The following RIMS1 variants were observed in gnomAD, a reference collection of about 807,000 sequenced individuals.
RIMS1 encodes the protein regulating synaptic membrane exocytosis 1.
A neutral mutation model predicts 214.1 loss-of-function variants in RIMS1; 83 were observed. The ratio of observed to expected loss-of-function variants is 0.39; its 90% CI spans 0.32 to 0.47. The LOEUF is 0.47. Among genes scored for constraint, RIMS1 ranks in the 20% least tolerant of loss-of-function variants. RIMS1 has a pLI of 0.99. For synonymous variants in RIMS1, 793 were observed against 786.8 expected, an observed-to-expected ratio of 1.01 and a Z score of -0.13; for missense variants, 2,050 against 2,161.8, an observed-to-expected ratio of 0.95 and a Z score of 1.03.
chr6:71,943,788 C>T (rs941380324), intron 1 of RIMS1, among the ~76,000 whole-genome samples: 8 of 152,076 alleles, frequency 5.3e-5, no homozygotes, highest in African/African-American at 1.7e-4. Context: ...TTTCCGATGG[C>T]GTATTCGAAC....
At chr6:72,229,889 C>G (rs1250459980) in intron 6 of RIMS1, among the ~76,000 whole-genome samples, 2 of 151,632 alleles carry the variant, frequency 1.3e-5, no homozygotes, top group Non-Finnish European at 3.0e-5. Context: ...GGTATGTGTC[C>G]ACGTGTCAAT....
chr6:72,329,536 T>A (rs1227308751), intron 28 of RIMS1, among the ~76,000 whole-genome samples: 1 of 144,834 alleles, frequency 6.9e-6, no homozygotes, highest in African/African-American at 2.5e-5. Flanking sequence ...CCTTTATTAG[T>A]TTTTTTTTTT....
intron 4 of RIMS1, among the ~76,000 whole-genome samples, chr6:72,103,649 G>A (rs559842867): frequency 5.3e-5 from 8 of 152,152 alleles, no homozygotes; most frequent in South Asian, 2.1e-4. Flanking sequence ...GTGAACATAC[G>A]TTGTCAAATC....
intron 2 of RIMS1, among the ~76,000 whole-genome samples, chr6:71,981,095 G>A (rs1798365095): frequency 6.6e-6 from 1 of 152,032 alleles, no homozygotes; most frequent in African/African-American, 2.4e-5. Context: ...TTTCAAAACT[G>A]CTCACCAGTC....
intron 2 of RIMS1, among the ~76,000 whole-genome samples, chr6:71,971,021 AT>A (rs35470404): frequency 0.39 from 59,348 of 151,832 alleles, 12,033 homozygotes; most frequent in East Asian, 0.53. Flanking sequence ...CTCTTTTAAT[AT>A]TTTTTTTAAA....
At chr6:71,921,161 C>T (rs1779858383) in intron 1 of RIMS1, among the ~76,000 whole-genome samples, 1 of 152,126 alleles carries the variant, frequency 6.6e-6, no homozygotes, top group Non-Finnish European at 1.5e-5. Flanking sequence ...CAGAGTCTTG[C>T]TCTGTCACCC....
At chr6:72,363,293 A>G (rs62407524) in intron 29 of RIMS1, among the ~76,000 whole-genome samples, 29,015 of 152,186 alleles carry the variant, frequency 0.19, 3,475 homozygotes, top group South Asian at 0.27. Flanking sequence ...GGAGAAAGGG[A>G]AAAAGTGGCG....
intron 28 of RIMS1, among the ~76,000 whole-genome samples, chr6:72,321,965 A>G (rs2154316227): frequency 6.6e-6 from 1 of 152,278 alleles, no homozygotes; most frequent in South Asian, 2.1e-4. Context: ...ATTTTATAAG[A>G]AGACTAAAAA....
chr6:72,203,816 C>A (rs1468164490), intron 6 of RIMS1, among the ~76,000 whole-genome samples: 1 of 152,018 alleles, frequency 6.6e-6, no homozygotes, highest in African/African-American at 2.4e-5. Context: ...GGTCCCAAGC[C>A]CAGAGATTTT....
At chr6:72,254,582 G>T (rs1158365658) in intron 16 of RIMS1, among the ~76,000 whole-genome samples, 2 of 152,286 alleles carry the variant, frequency 1.3e-5, no homozygotes, top group East Asian at 3.9e-4. Context: ...GCTTCGGTGA[G>T]TGGTTCCCAA....
chr6:72,223,840 C>T (rs551327384), intron 6 of RIMS1, among the ~76,000 whole-genome samples: 35 of 147,682 alleles, frequency 2.4e-4, no homozygotes, highest in African/African-American at 7.8e-4. Flanking sequence ...CCCAGTTACT[C>T]GGGAGGCTGA....
At position 72,313,522 on chromosome 6, in the gene RIMS1, A is replaced by G. The variant is rs1473853499; in HGVS notation, c.3980A>G (p.Asp1327Gly). 1.2e-6 allele frequency: 2 copies of G among 1,613,482 alleles called. No homozygotes were observed. The highest frequency in any genetic ancestry group is 8.5e-7 in the Non-Finnish European group (1 of 1,179,640). ...EQYSKYNIHK[D>G]QYRSCDNVSA... Reference sequence around the variant, plus strand: ...AATCTTTAGTATAACATACATAAAGATCAGTACAGAAGCTGTGATAACGTC... The same window carrying G: ...AATCTTTAGTATAACATACATAAAGGTCAGTACAGAAGCTGTGATAACGTC... The change falls in exon 28 of 34, where the codon GAT (aspartate) becomes GGT (glycine). Residue 1327 changes from aspartate to glycine, a missense_variant. Around this residue, in one of 6 missense-constraint regions of RIMS1, gnomAD observed 889 missense variants for 885.5 expected, o/e 1.00. Transcript: ENST00000521978.
In RIMS1 at chr6:72,157,611, C is replaced by T. The variant is rs892684002; in HGVS notation, c.472-21964C>T. Among the ~76,000 whole-genome samples the T allele has an allele frequency of 2.1e-5, 3 of 139,786 alleles. 1 individual carries two copies. The highest frequency in any genetic ancestry group is 4.9e-5 in the Non-Finnish European group (3 of 61,518). The allele number at this position is 139,786 out of a possible 152,430, so 91.7% of individuals were successfully genotyped here. A position where few individuals can be genotyped will look rare whatever the true frequency, so the allele number is the denominator to read the frequency against. On this transcript the variant is annotated intron_variant, in intron 4 of 33. Coordinates refer to ENST00000521978, the MANE Select transcript of RIMS1 (RefSeq NM_014989.7). ...TTATTATAACCATACTGGTTTTCTT[C>T]TGTTTAGTGTTTGTATAATATTTCT... is the stretch of plus-strand genomic sequence containing the variant.
chr6:71,894,699 T>C (rs1220786486), intron 1 of RIMS1, among the ~76,000 whole-genome samples: 1 of 152,216 alleles, frequency 6.6e-6, no homozygotes, highest in Non-Finnish European at 1.5e-5. Context: ...TTGATATTCC[T>C]CTGAGTTTAG....
chr6:72,062,689 T>A (rs907427112), intron 2 of RIMS1, among the ~76,000 whole-genome samples: 5 of 152,142 alleles, frequency 3.3e-5, no homozygotes, highest in Non-Finnish European at 7.3e-5. Context: ...AGAAATGTAT[T>A]GCCGCACAGT....
chr6:72,165,201 T>A (rs1327173121), intron 4 of RIMS1, among the ~76,000 whole-genome samples: 3 of 152,254 alleles, frequency 2.0e-5, no homozygotes, highest in African/African-American at 7.2e-5. Flanking sequence ...TAATTTGAGT[T>A]CACTAATCTT....
intron 6 of RIMS1, among the ~76,000 whole-genome samples, chr6:72,186,490 C>T (rs1374025232): frequency 1.3e-5 from 2 of 152,120 alleles, no homozygotes; most frequent in African/African-American, 4.8e-5. Context: ...GAAAAGGTTT[C>T]AATGTAATAT....
chr6:72,096,204 G>T (rs1400327240), intron 2 of RIMS1, among the ~76,000 whole-genome samples: 1 of 152,058 alleles, frequency 6.6e-6, no homozygotes, highest in East Asian at 1.9e-4. Context: ...ATATTACCTG[G>T]TTAAAATAAT....
intron 22 of RIMS1, among the ~76,000 whole-genome samples, chr6:72,269,944 C>T (rs1046116674): frequency 2.6e-5 from 4 of 152,096 alleles, no homozygotes; most frequent in Admixed American, 1.3e-4. Flanking sequence ...TCCTCAGTCC[C>T]GCCACCAACA....
Sources: gnomAD v4.1 joint callset for allele counts (sites outside exome capture counted in the v4.1 genomes callset) on GRCh38, gnomAD v4.1.1 for gene constraint, gnomAD v4.1.1 regional missense constraint, MANE v1.5 for transcripts, NCBI Gene and HGNC (gene_info 2026-07-23, HGNC 2026-07-21) for gene names.